FRY: variants seen among roughly 807,000 people sequenced by gnomAD.
FRY encodes FRY microtubule binding protein, also known as protein furry homolog.
A neutral mutation model predicts 348.4 loss-of-function variants in FRY; 128 were observed. The observed-to-expected ratio is 0.37, with a 90% confidence interval of 0.32 to 0.43. FRY has a LOEUF of 0.43. FRY is among the 20% of genes least tolerant of loss of function. The probability of loss-of-function intolerance (pLI) is 1.00; values close to 1 mark genes in which losing one functional copy is unlikely to be tolerated. For synonymous variants in FRY, 1,370 were observed against 1,374.7 expected, an observed-to-expected ratio of 1.00 and a Z score of 0.08; for missense variants, 2,736 against 3,695.2, an observed-to-expected ratio of 0.74 and a Z score of 6.73.
chr13:32,163,766 C>G (rs1045342271), intron 17 of FRY, among the ~76,000 whole-genome samples: 6 of 152,110 alleles, frequency 3.9e-5, no homozygotes, highest in Non-Finnish European at 7.4e-5. Context: ...TGGTGCCAGG[C>G]GTGTTGGGAG....
intron 2 of FRY, among the ~76,000 whole-genome samples, chr13:32,086,928 G>A (rs939507953): frequency 9.2e-5 from 14 of 152,086 alleles, no homozygotes; most frequent in African/African-American, 3.1e-4. Flanking sequence ...AATAGTTAAC[G>A]GACAAGATGC....
intron 2 of FRY, among the ~76,000 whole-genome samples, chr13:32,091,621 A>T (rs1249427384): frequency 6.6e-6 from 1 of 152,204 alleles, no homozygotes; most frequent in African/African-American, 2.4e-5. Flanking sequence ...ACAGCTCTCT[A>T]CTGTGAAGGG....
Position 32,278,022 on chromosome 13 carries a change from T to A in FRY, c.8386-443T>A, listed in dbSNP as rs542877169. 1.5e-4 allele frequency among the ~76,000 whole-genome samples: 23 copies of A among 152,286 alleles called. No homozygotes were observed. The South Asian group carries it at 2.3e-3, about 15-fold the overall frequency. On this transcript the variant is annotated intron_variant, in intron 57 of 60. Coordinates refer to ENST00000542859, the MANE Select transcript of FRY (RefSeq NM_023037.3). ...ATAGCCTTTCTTATAGTGAAGGAGA[T>A]CTGCCCCATAGCAGATGCAGCCACC... is the stretch of plus-strand genomic sequence containing the variant.
Position 32,234,651 on chromosome 13 carries a change from C to T in FRY, c.5605C>T (p.Arg1869Trp), listed in dbSNP as rs1886125619. ...AAGCTCTTCAAGGCACTATGCTGGT[C>T]GGTCCTTCCAGATATTCCGGGCCCT... Reference protein sequence around the residue: ...LASSSRHYAGRSFQIFRALKQ... With the variant: ...LASSSRHYAGWSFQIFRALKQ... Residue 1869 changes from arginine to tryptophan, a missense_variant, in exon 42 of 61, where the codon CGG becomes TGG. This residue lies in a region of FRY where 794 missense variants were observed against 977.0 expected (regional missense o/e 0.81). Coordinates refer to ENST00000542859, the MANE Select transcript of FRY (RefSeq NM_023037.3). 1.9e-6 allele frequency: 3 copies of T among 1,613,968 alleles called. No homozygotes were observed. The highest frequency in any genetic ancestry group is 2.5e-6 in the Non-Finnish European group (3 of 1,179,948).
chr13:32,095,767 G>A (rs1350870670), intron 2 of FRY, among the ~76,000 whole-genome samples: 1 of 152,154 alleles, frequency 6.6e-6, no homozygotes, highest in African/African-American at 2.4e-5. Context: ...TTTCCCCAAT[G>A]TTTTCTTGTA....
intron 41 of FRY, among the ~76,000 whole-genome samples, chr13:32,232,544 C>T (rs1281000844): frequency 1.3e-5 from 2 of 152,298 alleles, no homozygotes; most frequent in South Asian, 4.1e-4. Context: ...GGTGGCCTTC[C>T]GCTAGGTGCT....
At chr13:32,107,782 T>G (rs1362471621) in intron 3 of FRY, among the ~76,000 whole-genome samples, 3 of 152,148 alleles carry the variant, frequency 2.0e-5, no homozygotes, top group Non-Finnish European at 4.4e-5. Flanking sequence ...AGGGAGGCCT[T>G]CATGGAGCAG....
chr13:32,227,751 G>GT (rs200389438), intron 39 of FRY, among the ~76,000 whole-genome samples: 1,954 of 135,838 alleles, frequency 0.014, 17 homozygotes, highest in Non-Finnish European at 0.021. Flanking sequence ...ATTTCACATG[G>GT]TTTTTTTTTT....
chr13:32,225,761 A>T lies in FRY; in HGVS notation c.5021-28A>T, dbSNP rs1433394057. On this transcript the variant is annotated intron_variant, in intron 38 of 60. Coordinates refer to ENST00000542859, the MANE Select transcript of FRY (RefSeq NM_023037.3). ...ATCTAAACGAGCTTAACGTTTGTTTATACTTAGATTCTACTGTTTTGTTCC... is the reference window on the plus strand; with the variant it reads ...ATCTAAACGAGCTTAACGTTTGTTTTTACTTAGATTCTACTGTTTTGTTCC... The T allele has an allele frequency of 2.6e-6, 4 of 1,562,814 alleles. No individual in the cohort carries two copies. In the South Asian group the frequency reaches 3.3e-5, roughly 13 times the overall value.
At position 32,155,586 on chromosome 13, in the gene FRY, T is replaced by G. The variant is rs1356509150; in HGVS notation, c.1575T>G (p.Leu525=). The part of the protein sequence containing the change: ...EPPMPVTGAV[L]PSGNTLRVKK... ...CCATGCCGGTTACAGGAGCCGTTCT[T>G]CCTTCAGGAAACACGTTAAGAGTAA... is the stretch of plus-strand genomic sequence containing the variant. The change falls in exon 15 of 61, where the codon CTT becomes CTG. Residue 525 remains leucine (L), a synonymous_variant. Transcript: ENST00000542859. The G allele has an allele frequency of 6.2e-7, 1 of 1,613,700 alleles. No homozygotes were observed. Among genetic ancestry groups the G allele is most frequent in the Non-Finnish European group, 8.5e-7 (1 of 1,179,602 alleles).
intron 39 of FRY, 85 bp from the exon 40 acceptor site, chr13:32,228,371 C>G (rs755933722): frequency 5.1e-6 from 5 of 986,664 alleles, no homozygotes; most frequent in Non-Finnish European, 8.2e-6. Context: ...CTCCACACTT[C>G]CCTGCCCTCC....
intron 36 of FRY, among the ~76,000 whole-genome samples, chr13:32,223,147 G>A (rs1007235357): frequency 1.9e-4 from 29 of 151,922 alleles, no homozygotes; most frequent in East Asian, 1.9e-4. Flanking sequence ...TAGTAGAGAT[G>A]GGGTTTCACC....
intron 48 of FRY, 76 bp downstream of exon 48, chr13:32,247,578 GA>G: frequency 9.1e-7 from 1 of 1,102,960 alleles, no homozygotes; most frequent in Non-Finnish European, 1.4e-6. Context: ...TAGTTGCCTG[GA>G]AAAAAGAAGA....
At chr13:32,057,652 G>A (rs1873707922) in intron 1 of FRY, among the ~76,000 whole-genome samples, 2 of 152,122 alleles carry the variant, frequency 1.3e-5, no homozygotes, top group Admixed American at 1.3e-4. Flanking sequence ...TTCACCTTTC[G>A]TTTGCACTTA....
At chr13:32,222,211 G>A (rs960556828) in intron 36 of FRY, among the ~76,000 whole-genome samples, 1 of 152,198 alleles carries the variant, frequency 6.6e-6, no homozygotes, top group Non-Finnish European at 1.5e-5. Context: ...CCCTGAGGCT[G>A]TATGGGGCCC....
In FRY at chr13:32,295,216, A is replaced by G. The variant is rs368412145; in HGVS notation, c.8798A>G (p.Asn2933Ser). Reference protein sequence around the residue: ...QIRECRSLWPNDIFGSSSDDE... With the variant: ...QIRECRSLWPSDIFGSSSDDE... ...TTTGACTGCAGAAGTCTGTGGCCCA[A>G]TGACATCTTTGGAAGCAGTTCTGAT... is the stretch of plus-strand genomic sequence containing the variant. Residue 2933 changes from asparagine to serine, a missense_variant, in exon 61 of 61, where the codon AAT becomes AGT. Transcript: ENST00000542859. The G allele has an allele frequency of 2.9e-5, 46 of 1,613,934 alleles. No individual in the cohort carries two copies. Among genetic ancestry groups the G allele is most frequent in the Middle Eastern group, 1.6e-4 (1 of 6,084 alleles).
intron 28 of FRY, among the ~76,000 whole-genome samples, chr13:32,193,202 T>C (rs1166049339): frequency 6.6e-6 from 1 of 151,102 alleles, no homozygotes; most frequent in East Asian, 1.9e-4. Flanking sequence ...GATTTTTTAA[T>C]TAAAAAACTT....
At chr13:32,133,768 C>CTTTTTTTTTTTTTTTTTTTTTTTTTA (rs34413710) in intron 8 of FRY, among the ~76,000 whole-genome samples, 1 of 89,286 alleles carries the variant, frequency 1.1e-5, no homozygotes, top group Non-Finnish European at 2.1e-5. Flanking sequence ...TTCTTTCTTT[C>CTTTTTTTTTTTTTTTTTTTTTTTTTA]TTTTTTTTTT....
At chr13:32,087,677 C>G (rs1003038061) in intron 2 of FRY, among the ~76,000 whole-genome samples, 18 of 152,190 alleles carry the variant, frequency 1.2e-4, no homozygotes, top group African/African-American at 4.3e-4. Flanking sequence ...TTTTTCACCT[C>G]TGGGCCATCT....
Sources: gnomAD v4.1 joint callset for allele counts (sites outside exome capture counted in the v4.1 genomes callset) on GRCh38, gnomAD v4.1.1 for gene constraint, gnomAD v4.1.1 regional missense constraint, MANE v1.5 for transcripts, NCBI Gene and HGNC (gene_info 2026-07-23, HGNC 2026-07-21) for gene names.